The following TTBK2 variants were observed in gnomAD, a reference collection of about 807,000 sequenced individuals.
The protein encoded by TTBK2 is tau-tubulin kinase 2.
Under a neutral mutation model 110.8 loss-of-function variants are expected in TTBK2, and 28 were observed. The observed-to-expected ratio is 0.25, with a 90% CI of 0.19 to 0.35. TTBK2 has a LOEUF of 0.35. TTBK2 is among the 10% of genes least tolerant of loss of function. TTBK2 has a pLI of 1.00. For missense variants in TTBK2, 1,369 were observed against 1,500.3 expected (o/e 0.91, Z 1.45); for synonymous variants, 532 against 527.3 (o/e 1.01, Z -0.12).
At chr15:42,850,862 A>C (rs1893673346) in intron 3 of TTBK2, among the ~76,000 whole-genome samples, 1 of 152,050 alleles carries the variant, frequency 6.6e-6, no homozygotes, top group African/African-American at 2.4e-5. Flanking sequence ...AAGAAGAAAA[A>C]AAAGCAGGAA....
intron 6 of TTBK2, among the ~76,000 whole-genome samples, chr15:42,822,400 AT>A (rs1892343210): frequency 6.6e-6 from 1 of 152,196 alleles, no homozygotes; most frequent in South Asian, 2.1e-4. Flanking sequence ...CTATGAGCAT[AT>A]TTTATTTGAT....
intron 1 of TTBK2, among the ~76,000 whole-genome samples, chr15:42,887,819 T>C (rs1379440571): frequency 6.6e-6 from 1 of 152,080 alleles, no homozygotes; most frequent in African/African-American, 2.4e-5. Flanking sequence ...GCTCAGCAAA[T>C]TACCTGGGCT....
chr15:42,816,081 AATAAATATAT>A lies in TTBK2; in HGVS notation c.603+941_603+950del, dbSNP rs1197118021. Among the ~76,000 whole-genome samples, 187 of 60,292 alleles carry A rather than the reference AATAAATATAT, an allele frequency of 3.1e-3. 3 individuals are homozygous for A. The highest frequency in any genetic ancestry group is 0.016 in the African/African-American group (158 of 10,062). 39.6% of individuals were successfully genotyped at this position (60,292 alleles called of 152,430 possible). A position where few individuals can be genotyped will look rare whatever the true frequency, so the allele number is the denominator to read the frequency against. On this transcript the variant is annotated intron_variant, in intron 7 of 14. Coordinates refer to ENST00000267890, the MANE Select transcript of TTBK2 (RefSeq NM_173500.4). ...AAATATATATATATAAAAATAAATA[AATAAATATAT>A]ATATATATATATATATATATATATA... is the stretch of plus-strand genomic sequence containing the variant.
Position 42,920,554 on chromosome 15 carries a change from C to A in TTBK2, c.-184G>T. The A allele has an allele frequency of 6.5e-6, 1 of 153,702 alleles. No individual in the cohort carries two copies. Among genetic ancestry groups the A allele is most frequent in the South Asian group, 1.8e-4 (1 of 5,628 alleles). 9.5% of individuals were successfully genotyped at this position (153,702 alleles called of 1,614,324 possible). On this transcript the variant is annotated 5_prime_UTR_variant, in exon 1 of 15. Coordinates refer to ENST00000267890, the MANE Select transcript of TTBK2 (RefSeq NM_173500.4). Reference sequence around the variant, plus strand: ...CCGCCACTGCCTGCCCATCCCCCACCGCCGACTGCGGCGGGACCCGAGCGC... The same window carrying A: ...CCGCCACTGCCTGCCCATCCCCCACAGCCGACTGCGGCGGGACCCGAGCGC...
At chr15:42,842,811 G>C (rs895444077) in intron 3 of TTBK2, among the ~76,000 whole-genome samples, 1 of 151,934 alleles carries the variant, frequency 6.6e-6, no homozygotes, top group Non-Finnish European at 1.5e-5. Context: ...TGTTTATAAA[G>C]GGGGTATAAG....
intron 6 of TTBK2, among the ~76,000 whole-genome samples, 183 bp downstream of exon 6, chr15:42,827,744 AT>A (rs1476946951): frequency 6.6e-6 from 1 of 152,086 alleles, no homozygotes; most frequent in East Asian, 1.9e-4. Context: ...TCTAATATAC[AT>A]TTTTTGAAGC....
chr15:42,832,033 C>T (rs1442186587), intron 4 of TTBK2, among the ~76,000 whole-genome samples: 1 of 152,114 alleles, frequency 6.6e-6, no homozygotes, highest in East Asian at 1.9e-4. Context: ...TTTCATACTT[C>T]GTACCTTCTT....
chr15:42,783,633 AT>A lies in TTBK2; in HGVS notation c.982del (p.Ile328LeufsTer66), dbSNP rs1303056922. ...HTRLTPAAIG[I>X]ANATPIPGDL... ...TCCAGGGATGGGAGTAGCATTGGCA[AT>A]TCTACATATGAAGGGAGAAAAAAAA... is the stretch of plus-strand genomic sequence containing the variant. On this transcript the variant is annotated frameshift_variant and splice_region_variant, in exon 11 of 15. Transcript: ENST00000267890. LOFTEE classifies it high-confidence loss of function. 6.2e-7 allele frequency: 1 copy of A among 1,613,136 alleles called. No homozygotes were observed. The highest frequency in any genetic ancestry group is 8.5e-7 in the Non-Finnish European group (1 of 1,179,244).
At position 42,843,049 on chromosome 15, in the gene TTBK2, T is replaced by C. The variant is rs1355893839; in HGVS notation, c.218-2616A>G. Among the ~76,000 whole-genome samples, 7 of 152,216 alleles carry C rather than the reference T, an allele frequency of 4.6e-5. No homozygotes were observed. In the East Asian group the frequency reaches 1.2e-3, roughly 25 times the overall value. The stretch of plus-strand genomic sequence containing the variant: ...GTGTTTTCCTTGTATTATCCATCCC[T>C]TAAGACTACTTTTCTGTCATGTACA... On this transcript the variant is annotated intron_variant, in intron 3 of 14. Coordinates refer to ENST00000267890, the MANE Select transcript of TTBK2 (RefSeq NM_173500.4).
At chr15:42,778,874 C>G (rs1376680939) in intron 11 of TTBK2, among the ~76,000 whole-genome samples, 1 of 151,686 alleles carries the variant, frequency 6.6e-6, no homozygotes, top group African/African-American at 2.4e-5. Flanking sequence ...TATTTTTATA[C>G]AAAAATATGA....
At chr15:42,812,425 T>A (rs1891762618) in intron 7 of TTBK2, among the ~76,000 whole-genome samples, 1 of 152,204 alleles carries the variant, frequency 6.6e-6, no homozygotes, top group African/African-American at 2.4e-5. Flanking sequence ...GGGGGTTAAA[T>A]ATATACCCAT....
At chr15:42,746,711 G>GTT (rs540972261) in intron 14 of TTBK2, among the ~76,000 whole-genome samples, 3 of 146,870 alleles carry the variant, frequency 2.0e-5, no homozygotes, top group African/African-American at 7.5e-5. Context: ...CAATGTAAGT[G>GTT]TTTTTTTTTT....
rs990895315 is a variant in TTBK2 at position 42,757,104 on chromosome 15, T to G, written c.1999-3857A>C. 6.6e-5 allele frequency among the ~76,000 whole-genome samples: 10 copies of G among 152,154 alleles called. 1 individual carries two copies. Among genetic ancestry groups the G allele is most frequent in the Admixed American group, 3.9e-4 (6 of 15,288 alleles). The stretch of plus-strand genomic sequence containing the variant: ...TTTAATCAGGTACTATTATCATTTT[T>G]TAATTATTATTATTATTTTTAGAGA... On this transcript the variant is annotated intron_variant, in intron 13 of 14. Coordinates refer to ENST00000267890, the MANE Select transcript of TTBK2 (RefSeq NM_173500.4).
chr15:42,855,903 C>G (rs942064247), intron 3 of TTBK2, among the ~76,000 whole-genome samples: 1 of 152,124 alleles, frequency 6.6e-6, no homozygotes, highest in Non-Finnish European at 1.5e-5. Flanking sequence ...AGGATGGTCT[C>G]GATCTCCTGA....
At chr15:42,845,177 T>C (rs1424814920) in intron 3 of TTBK2, among the ~76,000 whole-genome samples, 1 of 152,050 alleles carries the variant, frequency 6.6e-6, no homozygotes. Flanking sequence ...TGATAAATAA[T>C]TAATAGAGCT....
intron 13 of TTBK2, among the ~76,000 whole-genome samples, chr15:42,769,392 C>T (rs1889550513): frequency 6.6e-6 from 1 of 152,150 alleles, no homozygotes; most frequent in Admixed American, 6.6e-5. Flanking sequence ...CCAAAATCTA[C>T]AAAGAAGTTA....
At chr15:42,894,517 G>A (rs971363408) in intron 1 of TTBK2, among the ~76,000 whole-genome samples, 3 of 152,108 alleles carry the variant, frequency 2.0e-5, no homozygotes, top group Non-Finnish European at 4.4e-5. Context: ...TGTGGGAGGC[G>A]AAGGCGGGTG....
chr15:42,847,070 T>A (rs569646556), intron 3 of TTBK2, among the ~76,000 whole-genome samples: 1 of 152,276 alleles, frequency 6.6e-6, no homozygotes, highest in South Asian at 2.1e-4. Context: ...CCTAGCACGT[T>A]AATCAAACCC....
intron 1 of TTBK2, among the ~76,000 whole-genome samples, chr15:42,905,905 C>T (rs1567088213): frequency 1.3e-5 from 2 of 152,082 alleles, no homozygotes. Context: ...CTCAATAAAA[C>T]TGGCCGGGCA....
Sources: allele counts gnomAD v4.1 joint callset (sites outside exome capture counted in the v4.1 genomes callset), GRCh38; gene constraint gnomAD v4.1.1; transcripts MANE v1.5; gene names NCBI Gene and HGNC (gene_info 2026-07-23, HGNC 2026-07-21).